SLC24A3: variants seen among roughly 807,000 people sequenced by gnomAD.
SLC24A3 encodes solute carrier family 24 member 3.
SLC24A3 carries 28 observed loss-of-function variants against 75.8 expected under a neutral mutation model. The observed-to-expected ratio is 0.37, with a 90% CI of 0.27 to 0.51. SLC24A3 has a LOEUF of 0.51. Ranked by LOEUF, SLC24A3 falls within the 20% of genes least tolerant of loss-of-function variation. The probability of loss-of-function intolerance (pLI) is 0.94; values close to 1 mark genes in which losing one functional copy is unlikely to be tolerated. For missense variants in SLC24A3, 663 were observed against 847.8 expected, an observed-to-expected ratio of 0.78 and a Z score of 2.71; for synonymous variants, 372 against 334.1, an observed-to-expected ratio of 1.11 and a Z score of -1.24.
intron 15 of SLC24A3, among the ~76,000 whole-genome samples, chr20:19,715,982 T>A (rs993700330): frequency 6.6e-6 from 1 of 152,230 alleles, no homozygotes; most frequent in African/African-American, 2.4e-5. Flanking sequence ...CACAGAACCC[T>A]TGGAGAACAG....
At chr20:19,367,096 G>A (rs1300723063) in intron 2 of SLC24A3, among the ~76,000 whole-genome samples, 1 of 152,260 alleles carries the variant, frequency 6.6e-6, no homozygotes, top group Non-Finnish European at 1.5e-5. Flanking sequence ...TGGCTAGTGT[G>A]ACAGAAGAAC....
chr20:19,654,315 A>G (rs2032240509), intron 7 of SLC24A3, among the ~76,000 whole-genome samples, 179 bp downstream of exon 7: 2 of 151,952 alleles, frequency 1.3e-5, no homozygotes, highest in African/African-American at 4.8e-5. Flanking sequence ...CTCCAGCCTG[A>G]CCAATTGCTG....
intron 2 of SLC24A3, among the ~76,000 whole-genome samples, chr20:19,406,705 C>A (rs753447907): frequency 1.2e-4 from 19 of 152,004 alleles, no homozygotes; most frequent in Admixed American, 1.0e-3. Flanking sequence ...CATTTGGGGA[C>A]CTGGGGGTGC....
At chr20:19,637,542 T>A (rs1253085728) in intron 6 of SLC24A3, among the ~76,000 whole-genome samples, 1 of 152,242 alleles carries the variant, frequency 6.6e-6, no homozygotes, top group African/African-American at 2.4e-5. Context: ...AAATATTATG[T>A]TCCTAGCACA....
At chr20:19,561,508 G>A (rs1310353531) in intron 3 of SLC24A3, among the ~76,000 whole-genome samples, 2 of 152,104 alleles carry the variant, frequency 1.3e-5, no homozygotes, top group African/African-American at 2.4e-5. Context: ...TGTTTCTATG[G>A]AAGTAGCCCC....
At chr20:19,559,935 C>G (rs911036309) in intron 3 of SLC24A3, among the ~76,000 whole-genome samples, 3 of 151,914 alleles carry the variant, frequency 2.0e-5, no homozygotes, top group African/African-American at 4.8e-5. Context: ...TAATAAAAAC[C>G]CTGACATGTA....
chr20:19,558,162 G>A (rs969493061), intron 3 of SLC24A3, among the ~76,000 whole-genome samples: 18 of 151,936 alleles, frequency 1.2e-4, no homozygotes, highest in East Asian at 3.9e-4. Context: ...TAAGAAACAT[G>A]GGCTTACTAA....
At chr20:19,231,046 C>A (rs772454868) in intron 1 of SLC24A3, among the ~76,000 whole-genome samples, 1 of 152,182 alleles carries the variant, frequency 6.6e-6, no homozygotes. Flanking sequence ...GTTTACCCCA[C>A]GTAATTATCT....
At chr20:19,544,007 G>A (rs2122590503) in intron 3 of SLC24A3, among the ~76,000 whole-genome samples, 1 of 152,298 alleles carries the variant, frequency 6.6e-6, no homozygotes, top group Non-Finnish European at 1.5e-5. Context: ...GTCAGGTGAA[G>A]AGTTTTGATG....
chr20:19,362,439 T>A (rs1057220746), intron 2 of SLC24A3, among the ~76,000 whole-genome samples: 9 of 152,184 alleles, frequency 5.9e-5, no homozygotes, highest in African/African-American at 2.2e-4. Context: ...CAAGTGGAAA[T>A]GGTAATATCT....
chr20:19,407,832 G>T (rs1234962127), intron 2 of SLC24A3, among the ~76,000 whole-genome samples: 1 of 152,214 alleles, frequency 6.6e-6, no homozygotes, highest in Non-Finnish European at 1.5e-5. Context: ...CGCCACAGAA[G>T]AATTTGGCAG....
chr20:19,721,308 C>T lies in SLC24A3; in HGVS notation c.*168C>T, dbSNP rs1445698286. 7 of 726,922 alleles carry T rather than the reference C, an allele frequency of 9.6e-6. No homozygotes were observed. Among genetic ancestry groups the T allele is most frequent in the South Asian group, 6.3e-5 (3 of 47,646 alleles). 45.0% of individuals were successfully genotyped at this position (726,922 alleles called of 1,614,324 possible). The stretch of plus-strand genomic sequence containing the variant: ...CCCAGGCTCTCCCCTGACCCATCCT[C>T]GCTCCCCCACCTCCTTGGGTCATGC... On this transcript the variant is annotated 3_prime_UTR_variant, in exon 17 of 17. Transcript: ENST00000328041.
At chr20:19,329,590 G>A (rs1984950964) in intron 2 of SLC24A3, among the ~76,000 whole-genome samples, 1 of 152,232 alleles carries the variant, frequency 6.6e-6, no homozygotes, top group Non-Finnish European at 1.5e-5. Context: ...CTATCATGAA[G>A]CTATGAAGGC....
chr20:19,587,484 C>T (rs954654379), intron 6 of SLC24A3, among the ~76,000 whole-genome samples: 1 of 152,182 alleles, frequency 6.6e-6, no homozygotes, highest in African/African-American at 2.4e-5. Context: ...AAGTAACAAC[C>T]ATGACTGTTG....
chr20:19,536,563 G>A (rs1600270834), intron 3 of SLC24A3, among the ~76,000 whole-genome samples: 1 of 152,154 alleles, frequency 6.6e-6, no homozygotes, highest in East Asian at 1.9e-4. Flanking sequence ...AGTCCGCATT[G>A]CCAAGTCAAT....
At chr20:19,660,596 C>T (rs1164775221) in intron 7 of SLC24A3, among the ~76,000 whole-genome samples, 2 of 152,138 alleles carry the variant, frequency 1.3e-5, no homozygotes, top group African/African-American at 4.8e-5. Context: ...CTGTGATAAA[C>T]ATACTCACGC....
At chr20:19,273,480 G>A (rs868385417) in intron 1 of SLC24A3, among the ~76,000 whole-genome samples, 1 of 152,214 alleles carries the variant, frequency 6.6e-6, no homozygotes, top group East Asian at 1.9e-4. Context: ...GCCACTGGGG[G>A]TGGAAACCAT....
rs571728314 is a variant in SLC24A3, at chr20:19,710,363, T to C, written c.1720-7165T>C. Reference sequence around the variant, plus strand: ...ATGAAACTTGGTATGAATGAGTATCTGTGTCTGCATCCGTACTAAAAAATA... The same window carrying C: ...ATGAAACTTGGTATGAATGAGTATCCGTGTCTGCATCCGTACTAAAAAATA... On this transcript the variant is annotated intron_variant, in intron 15 of 16. Coordinates refer to ENST00000328041, the MANE Select transcript of SLC24A3 (RefSeq NM_020689.4). 2.6e-4 allele frequency among the ~76,000 whole-genome samples: 39 copies of C among 152,344 alleles called. 1 individual carries two copies. The highest frequency in any genetic ancestry group is 8.2e-4 in the African/African-American group (34 of 41,576).
At position 19,675,763 on chromosome 20, in the gene SLC24A3, G is replaced by A. The variant is rs139840828; in HGVS notation, c.767+2109G>A. On this transcript the variant is annotated intron_variant, in intron 9 of 16. Coordinates refer to ENST00000328041, the MANE Select transcript of SLC24A3 (RefSeq NM_020689.4). ...TCATGAAAACCAGAGTTGATCCAAA[G>A]CCTTTCCAAACTTTCCAGCCCCCAA... Among the ~76,000 whole-genome samples the A allele has an allele frequency of 6.6e-5, 10 of 152,284 alleles. No individual in the cohort carries two copies. In the East Asian group the frequency reaches 1.9e-3, roughly 29 times the overall value.
Sources: allele counts gnomAD v4.1 joint callset (sites outside exome capture counted in the v4.1 genomes callset), GRCh38; gene constraint gnomAD v4.1.1; transcripts MANE v1.5; gene names NCBI Gene and HGNC (gene_info 2026-07-23, HGNC 2026-07-21).